Variants in TANGO6 observed in about 807,000 individuals in gnomAD.
The protein encoded by TANGO6 is transport and Golgi organization protein 6 homolog.
A neutral mutation model predicts 114.2 loss-of-function variants in TANGO6; 90 were observed. The observed-to-expected ratio is 0.79, with a 90% CI of 0.66 to 0.94. TANGO6 has a LOEUF of 0.94. Ranked by LOEUF, TANGO6 falls within the 40% of genes least tolerant of loss-of-function variation. The pLI, the probability that TANGO6 is intolerant of heterozygous loss-of-function variation, is 0.00. For missense variants in TANGO6, 1,274 were observed against 1,315.3 expected, an observed-to-expected ratio of 0.97 and a Z score of 0.49; for synonymous variants, 477 against 509.8, an observed-to-expected ratio of 0.94 and a Z score of 0.87.
intron 17 of TANGO6, among the ~76,000 whole-genome samples, chr16:69,068,794 ACCTCCG>A (rs1181333678): frequency 6.6e-6 from 1 of 151,788 alleles, no homozygotes; most frequent in Non-Finnish European, 1.5e-5. Flanking sequence ...GCTCACTGCA[ACCTCCG>A]CCTCCCAGAT....
At chr16:69,080,998 C>T (rs879784163) in intron 17 of TANGO6, among the ~76,000 whole-genome samples, 6 of 151,986 alleles carry the variant, frequency 3.9e-5, no homozygotes, top group Non-Finnish European at 7.4e-5. Flanking sequence ...ATTAGCCAGG[C>T]GTGGTGGTGG....
At chr16:69,047,637 A>G (rs1959884477) in intron 17 of TANGO6, among the ~76,000 whole-genome samples, 1 of 152,198 alleles carries the variant, frequency 6.6e-6, no homozygotes, top group South Asian at 2.1e-4. Flanking sequence ...AGAATTGAAT[A>G]TATATACAAT....
At chr16:68,960,477 T>C (rs1356813571) in intron 14 of TANGO6, among the ~76,000 whole-genome samples, 1 of 151,556 alleles carries the variant, frequency 6.6e-6, no homozygotes, top group Non-Finnish European at 1.5e-5. Flanking sequence ...TTTTAAATTA[T>C]TTTTTATTTA....
At chr16:69,061,747 C>A (rs577820536) in intron 17 of TANGO6, among the ~76,000 whole-genome samples, 3 of 152,016 alleles carry the variant, frequency 2.0e-5, no homozygotes, top group Non-Finnish European at 4.4e-5. Context: ...GCCGGGCGCG[C>A]GGTGGCTCAC....
chr16:68,943,432 TG>T (rs1963377213), intron 14 of TANGO6, among the ~76,000 whole-genome samples: 1 of 150,854 alleles, frequency 6.6e-6, no homozygotes, highest in African/African-American at 2.4e-5. Context: ...GGCGCAGTCT[TG>T]GCTCCCTGCA....
At chr16:68,846,843 A>C (rs1163994584) in intron 1 of TANGO6, 1 of 150,826 alleles carries the variant, frequency 6.6e-6, no homozygotes, top group African/African-American at 2.4e-5. Flanking sequence ...TAATCTCTGC[A>C]TGTATTGTGT....
intron 15 of TANGO6, among the ~76,000 whole-genome samples, chr16:69,018,054 C>T (rs11643995): frequency 0.071 from 10,739 of 151,024 alleles, 525 homozygotes; most frequent in Non-Finnish European, 0.11. Flanking sequence ...AGGAGCCCAT[C>T]ACCATGCTTG....
Position 68,843,575 on chromosome 16 carries a change from G to T in TANGO6, c.-43G>T. 2 of 1,584,180 alleles carry T rather than the reference G, an allele frequency of 1.3e-6. No individual in the cohort carries two copies. The highest frequency in any genetic ancestry group is 8.6e-7 in the Non-Finnish European group (1 of 1,159,286). On this transcript the variant is annotated 5_prime_UTR_variant, in exon 1 of 18. Transcript: ENST00000261778. The stretch of plus-strand genomic sequence containing the variant: ...AACATGGCGGCGGCGGCGCCCTGCC[G>T]AGGCGCCTGAGCGGGTCGCGAGCGT...
chr16:68,961,501 T>TA (rs1275361807), intron 14 of TANGO6, among the ~76,000 whole-genome samples: 1 of 152,252 alleles, frequency 6.6e-6, no homozygotes, highest in Non-Finnish European at 1.5e-5. Flanking sequence ...GTAAAGTGCT[T>TA]ACGACTGTAC....
rs181984708 is a variant in TANGO6, at chr16:69,079,094, G to A, written c.3109-4391G>A. Among the ~76,000 whole-genome samples the A allele has an allele frequency of 3.2e-3, 488 of 152,184 alleles. 4 individuals are homozygous for A. Among genetic ancestry groups the A allele is most frequent in the African/African-American group, 0.011 (473 of 41,526 alleles). On this transcript the variant is annotated intron_variant, in intron 17 of 17. Coordinates refer to ENST00000261778, the MANE Select transcript of TANGO6 (RefSeq NM_024562.2). ...TAATCCCAGCACTTTGGGAGGCCAA[G>A]GTGGGCGGATCACCTGAGGTCAGGA...
chr16:68,868,732 C>G (rs541870049), intron 4 of TANGO6, among the ~76,000 whole-genome samples: 1 of 151,882 alleles, frequency 6.6e-6, no homozygotes, highest in Admixed American at 6.6e-5. Flanking sequence ...CTTCTGACCT[C>G]GTGATCCACC....
intron 7 of TANGO6, among the ~76,000 whole-genome samples, chr16:68,897,931 T>G (rs756470871): frequency 2.0e-5 from 3 of 152,130 alleles, no homozygotes; most frequent in Non-Finnish European, 4.4e-5. Context: ...TGTGCTCAGT[T>G]GAGTTCTTGT....
At chr16:69,065,990 G>T (rs896757083) in intron 17 of TANGO6, among the ~76,000 whole-genome samples, 5 of 152,116 alleles carry the variant, frequency 3.3e-5, no homozygotes, top group Admixed American at 3.3e-4. Context: ...TCGCCTCAAA[G>T]ACCTTGGAGT....
rs559941989 is a variant in TANGO6 at position 68,969,619 on chromosome 16, AC to A, written c.2702-4407del. On this transcript the variant is annotated intron_variant, in intron 14 of 17. Transcript: ENST00000261778. Reference sequence around the variant, plus strand: ...AAGGAAACTGGGCTTTGCTTTGGGAACCTTTTTATGGAAGATTGGGAGAACT... The same window carrying A: ...AAGGAAACTGGGCTTTGCTTTGGGAACTTTTTATGGAAGATTGGGAGAACT... 7.2e-5 allele frequency among the ~76,000 whole-genome samples: 11 copies of A among 151,942 alleles called. No individual in the cohort carries two copies. The South Asian group carries it at 2.3e-3, about 32-fold the overall frequency.
chr16:68,935,701 A>G (rs1169558962), intron 14 of TANGO6, among the ~76,000 whole-genome samples: 1 of 152,144 alleles, frequency 6.6e-6, no homozygotes, highest in African/African-American at 2.4e-5. Context: ...AGAGAACTTA[A>G]TCTTACACAG....
In TANGO6 at chr16:69,044,358, G is replaced by A. The variant is rs1474059954; in HGVS notation, c.3108+3937G>A. On this transcript the variant is annotated intron_variant, in intron 17 of 17. Transcript: ENST00000261778. ...TGTTATTGAAAAACTTATTTTTGCC[G>A]GGTGCGGTGACTCACGCCTGTAATC... Among the ~76,000 whole-genome samples the A allele has an allele frequency of 4.6e-5, 7 of 152,148 alleles. No homozygotes were observed. The East Asian group carries it at 7.7e-4, about 17-fold the overall frequency.
intron 8 of TANGO6, among the ~76,000 whole-genome samples, chr16:68,900,937 G>A (rs935834678): frequency 6.6e-6 from 1 of 152,230 alleles, no homozygotes; most frequent in Admixed American, 6.5e-5. Context: ...AGATCTGAAT[G>A]TGGCACTTTG....
intron 7 of TANGO6, among the ~76,000 whole-genome samples, chr16:68,895,012 C>T (rs1962685885): frequency 6.6e-6 from 1 of 152,146 alleles, no homozygotes; most frequent in African/African-American, 2.4e-5. Context: ...TGTCTTTGCT[C>T]AACTGACTGA....
At chr16:68,843,762 C>A in intron 1 of TANGO6, 51 bp downstream of exon 1, 2 of 1,586,224 alleles carry the variant, frequency 1.3e-6, no homozygotes, top group Non-Finnish European at 1.7e-6. Context: ...CTCAGGGCCG[C>A]CCGGCTTCCG....
Sources: gnomAD v4.1 joint callset for allele counts (sites outside exome capture counted in the v4.1 genomes callset) on GRCh38, gnomAD v4.1.1 for gene constraint, MANE v1.5 for transcripts, NCBI Gene and HGNC (gene_info 2026-07-23, HGNC 2026-07-21) for gene names.